The following TMEM132D variants were observed in gnomAD, a reference collection of about 807,000 sequenced individuals.
TMEM132D encodes transmembrane protein 132D, also known as mature OL transmembrane protein.
In TMEM132D, 21 loss-of-function variants were observed where a neutral mutation model predicts 62.3. The observed-to-expected ratio is 0.34, with a 90% CI of 0.24 to 0.49. The LOEUF is 0.49. TMEM132D is among the 20% of genes least tolerant of loss of function. The pLI, the probability that TMEM132D is intolerant of heterozygous loss-of-function variation, is 0.99. For synonymous variants in TMEM132D, 621 were observed against 575.6 expected, an observed-to-expected ratio of 1.08 and a Z score of -1.13; for missense variants, 1,346 against 1,402.8, an observed-to-expected ratio of 0.96 and a Z score of 0.65.
At chr12:129,863,792 TG>T (rs927909918) in intron 1 of TMEM132D, among the ~76,000 whole-genome samples, 8 of 151,740 alleles carry the variant, frequency 5.3e-5, no homozygotes, top group Admixed American at 1.3e-4. Flanking sequence ...TTTGTTTTTT[TG>T]GGGGGGGCAG....
chr12:129,503,331 G>T (rs1174272445), intron 3 of TMEM132D, among the ~76,000 whole-genome samples: 1 of 152,174 alleles, frequency 6.6e-6, no homozygotes, highest in Non-Finnish European at 1.5e-5. Context: ...GAAGCAAATG[G>T]ATTATGGATA....
intron 4 of TMEM132D, among the ~76,000 whole-genome samples, chr12:129,325,383 G>A (rs1458089097): frequency 6.6e-6 from 1 of 152,184 alleles, no homozygotes; most frequent in Non-Finnish European, 1.5e-5. Flanking sequence ...GTTGAGGCTG[G>A]ATTTTGTGCG....
intron 2 of TMEM132D, among the ~76,000 whole-genome samples, chr12:129,618,703 C>T (rs753449009): frequency 3.4e-4 from 52 of 152,186 alleles, no homozygotes; most frequent in Non-Finnish European, 4.9e-4. Flanking sequence ...CAAATACATA[C>T]TGTGAACCCA....
intron 2 of TMEM132D, among the ~76,000 whole-genome samples, chr12:129,552,881 A>G (rs1157045398): frequency 6.6e-6 from 1 of 152,086 alleles, no homozygotes; most frequent in African/African-American, 2.4e-5. Flanking sequence ...CTATTTATCG[A>G]TCAGTCATAG....
At chr12:129,532,063 AAAT>A (rs1490304728) in intron 2 of TMEM132D, among the ~76,000 whole-genome samples, 17 of 152,106 alleles carry the variant, frequency 1.1e-4, no homozygotes, top group Admixed American at 1.1e-3. Flanking sequence ...CTCAAAAGAA[AAAT>A]AATAATAAAT....
At chr12:129,341,332 T>A (rs1398243672) in intron 3 of TMEM132D, among the ~76,000 whole-genome samples, 1 of 152,224 alleles carries the variant, frequency 6.6e-6, no homozygotes, top group African/African-American at 2.4e-5. Flanking sequence ...TACAGTTGGT[T>A]AAAGAGAAGT....
intron 3 of TMEM132D, among the ~76,000 whole-genome samples, chr12:129,404,253 C>T (rs1183799700): frequency 1.3e-5 from 2 of 152,052 alleles, no homozygotes; most frequent in East Asian, 1.9e-4. Flanking sequence ...GGCTGGAGTG[C>T]AGTGGTACGA....
At chr12:129,825,075 A>G (rs547739085) in intron 1 of TMEM132D, among the ~76,000 whole-genome samples, 14 of 148,278 alleles carry the variant, frequency 9.4e-5, no homozygotes, top group African/African-American at 3.0e-4. Context: ...GTACAGTGGC[A>G]TGATCTCAGC....
At chr12:129,861,780 C>T (rs895675794) in intron 1 of TMEM132D, among the ~76,000 whole-genome samples, 4 of 146,186 alleles carry the variant, frequency 2.7e-5, no homozygotes, top group Non-Finnish European at 4.5e-5. Context: ...AAAAGGATTA[C>T]CAGCCATTAT....
intron 3 of TMEM132D, among the ~76,000 whole-genome samples, chr12:129,367,314 C>A (rs1046174745): frequency 6.6e-6 from 1 of 152,112 alleles, no homozygotes; most frequent in Non-Finnish European, 1.5e-5. Flanking sequence ...TGGCTAGTGG[C>A]GGGCAGGAAG....
intron 1 of TMEM132D, among the ~76,000 whole-genome samples, chr12:129,819,647 C>G (rs1163146488): frequency 6.6e-6 from 1 of 152,160 alleles, no homozygotes; most frequent in African/African-American, 2.4e-5. Flanking sequence ...ATGAAATTAG[C>G]CCTCATCGCT....
chr12:129,472,505 C>T (rs188413455), intron 3 of TMEM132D, among the ~76,000 whole-genome samples: 26 of 152,078 alleles, frequency 1.7e-4, no homozygotes, highest in South Asian at 2.1e-4. Flanking sequence ...ACCTAGATGA[C>T]GGGTTGATAG....
chr12:129,310,432 T>C (rs982288367), intron 4 of TMEM132D, among the ~76,000 whole-genome samples: 1 of 152,134 alleles, frequency 6.6e-6, no homozygotes, highest in African/African-American at 2.4e-5. Context: ...AATTTGCTGT[T>C]CAGTTGTGGG....
chr12:129,546,787 C>T lies in TMEM132D; in HGVS notation c.969-15582G>A, dbSNP rs574708672. ...CCGTACTCCAGCCTGGGCAACAGAG[C>T]GATACTCCGTCTCAAAAAAAAAAAA... On this transcript the variant is annotated intron_variant, in intron 2 of 8. Coordinates refer to ENST00000422113, the MANE Select transcript of TMEM132D (RefSeq NM_133448.3). Among the ~76,000 whole-genome samples the T allele has an allele frequency of 5.1e-3, 763 of 149,918 alleles. 3 individuals are homozygous for T. Among genetic ancestry groups the T allele is most frequent in the Admixed American group, 7.9e-3 (118 of 14,976 alleles).
intron 5 of TMEM132D, among the ~76,000 whole-genome samples, chr12:129,135,485 G>A (rs1876530529): frequency 6.6e-6 from 1 of 152,162 alleles, no homozygotes; most frequent in African/African-American, 2.4e-5. Flanking sequence ...CTGATATCAA[G>A]GTTAGCAATC....
intron 5 of TMEM132D, among the ~76,000 whole-genome samples, chr12:129,187,885 G>C (rs1878261981): frequency 6.6e-6 from 1 of 152,182 alleles, no homozygotes; most frequent in African/African-American, 2.4e-5. Context: ...AACCCTCACT[G>C]TCACCCTATC....
intron 2 of TMEM132D, among the ~76,000 whole-genome samples, chr12:129,598,531 G>T (rs1378911475): frequency 6.6e-6 from 1 of 152,024 alleles, no homozygotes; most frequent in Non-Finnish European, 1.5e-5. Context: ...AGTCTTTACC[G>T]GCAATAGTGG....
chr12:129,716,757 G>C (rs985731842), intron 1 of TMEM132D, among the ~76,000 whole-genome samples: 3 of 152,176 alleles, frequency 2.0e-5, no homozygotes, highest in African/African-American at 7.2e-5. Context: ...GTGGAAGAGG[G>C]AGGTAGGAGT....
intron 2 of TMEM132D, among the ~76,000 whole-genome samples, chr12:129,658,237 C>A (rs1880145443): frequency 6.6e-6 from 1 of 152,122 alleles, no homozygotes; most frequent in Non-Finnish European, 1.5e-5. Flanking sequence ...GTTAGAAAAA[C>A]CACTGTAGTT....
Sources: gnomAD v4.1 joint callset for allele counts (sites outside exome capture counted in the v4.1 genomes callset) on GRCh38, gnomAD v4.1.1 for gene constraint, MANE v1.5 for transcripts, NCBI Gene and HGNC (gene_info 2026-07-23, HGNC 2026-07-21) for gene names.